LRRC9: variants seen among roughly 807,000 people sequenced by gnomAD.
LRRC9 encodes leucine-rich repeat-containing protein 9.
A neutral mutation model predicts 63.2 loss-of-function variants in LRRC9; 122 were observed. That is an observed-to-expected ratio of 1.93 (90% CI 1.67 to 2.24). LRRC9 has a LOEUF of 2.24. LRRC9 is among the 30% of genes most tolerant of loss of function. The probability of loss-of-function intolerance (pLI) is 0.00; values close to 1 mark genes in which losing one functional copy is unlikely to be tolerated. For missense variants in LRRC9, 1,071 were observed against 627.7 expected (o/e 1.71, Z -7.55); for synonymous variants, 366 against 213.1 (o/e 1.72, Z -6.25).
intron 8 of LRRC9, among the ~76,000 whole-genome samples, chr14:59,952,043 C>A (rs866444173): frequency 6.6e-6 from 1 of 151,266 alleles, no homozygotes; most frequent in African/African-American, 2.4e-5. Flanking sequence ...TCGAGCTTCC[C>A]GGCTGCTTTG....
At chr14:60,046,834 T>G (rs1893471916) in intron 29 of LRRC9, among the ~76,000 whole-genome samples, 1 of 152,228 alleles carries the variant, frequency 6.6e-6, no homozygotes, top group African/African-American at 2.4e-5. Context: ...ACTGCATCAA[T>G]AAATTACTTT....
rs1265888851 is a variant in LRRC9 at position 59,986,292 on chromosome 14, G to T, written c.2211+1068G>T. 6.6e-6 allele frequency among the ~76,000 whole-genome samples: 1 copy of T among 152,204 alleles called. No homozygotes were observed. The highest frequency in any genetic ancestry group is 1.9e-4 in the East Asian group (1 of 5,182). ...GCATCTCCTGTTTACATGGGTTCCA[G>T]GTCACTCACTTATCTCTTCAGAATA... On this transcript the variant is annotated intron_variant, in intron 17 of 31. Transcript: ENST00000445360. The surrounding 1 kb of genome is among the most constrained non-coding windows in gnomAD (Gnocchi z 4.7).
intron 31 of LRRC9, among the ~76,000 whole-genome samples, 200 bp from the exon 33 acceptor site, chr14:60,063,123 G>A (rs2140480472): frequency 6.6e-6 from 1 of 152,210 alleles, no homozygotes; most frequent in Admixed American, 6.5e-5. Context: ...TTGAACTCCT[G>A]ACCTCAGGTG....
chr14:60,041,585 A>G (rs1264673997), intron 29 of LRRC9, among the ~76,000 whole-genome samples: 1 of 152,180 alleles, frequency 6.6e-6, no homozygotes, highest in Admixed American at 6.5e-5. Flanking sequence ...CATGGTTTTC[A>G]GCTCCATCAG....
chr14:59,989,654 C>G (rs935914507), intron 17 of LRRC9, among the ~76,000 whole-genome samples: 2 of 151,996 alleles, frequency 1.3e-5, no homozygotes, highest in Non-Finnish European at 2.9e-5. Context: ...TTCTGGTGTA[C>G]TTTTTTGCTA....
rs1255258222 is a variant in LRRC9, at chr14:59,985,169, G to GA, written c.2160dup (p.Leu721ThrfsTer4). Reference sequence around the variant, plus strand: ...GATCTCTCCAAGTTAACAGGACTTCGAAAACTAAACATTAGCTTTAATGAA... The same window carrying GA: ...GATCTCTCCAAGTTAACAGGACTTCGAAAAACTAAACATTAGCTTTAATGAA... On this transcript the variant is annotated frameshift_variant, in exon 17 of 32. Coordinates refer to ENST00000445360, the Ensembl canonical transcript of LRRC9. LOFTEE classifies it high-confidence loss of function. The GA allele has an allele frequency of 2.9e-6, 2 of 692,618 alleles. No homozygotes were observed. The highest frequency in any genetic ancestry group is 3.5e-5 in the African/African-American group (2 of 57,096). 42.9% of individuals were successfully genotyped at this position (692,618 alleles called of 1,614,324 possible). A position where few individuals can be genotyped will look rare whatever the true frequency, so the allele number is the denominator to read the frequency against.
intron 23 of LRRC9, among the ~76,000 whole-genome samples, chr14:60,015,770 G>A (rs971150839): frequency 5.9e-5 from 9 of 152,170 alleles, no homozygotes; most frequent in African/African-American, 1.9e-4. Context: ...AGGGAGTGGG[G>A]ACATGTGTTA....
rs893287871 is a variant in LRRC9 at position 59,990,693 on chromosome 14, C to A, written c.2211+5469C>A. On this transcript the variant is annotated intron_variant, in intron 17 of 31. Transcript: ENST00000445360. This position sits in a 1 kb window ranked among gnomAD's most constrained non-coding sequence, Gnocchi z 4.2. ...TCCCAAAGTGCTGGGATTACAGGAGCCACTGTACCAGGCCCCTTCAGACCT... is the reference window on the plus strand; with the variant it reads ...TCCCAAAGTGCTGGGATTACAGGAGACACTGTACCAGGCCCCTTCAGACCT... Among the ~76,000 whole-genome samples, 1 of 152,164 alleles carries A rather than the reference C, an allele frequency of 6.6e-6. No homozygotes were observed. Among genetic ancestry groups the A allele is most frequent in the Non-Finnish European group, 1.5e-5 (1 of 68,010 alleles).
At chr14:59,956,088 T>G (rs1883718867) in intron 8 of LRRC9, among the ~76,000 whole-genome samples, 1 of 152,160 alleles carries the variant, frequency 6.6e-6, no homozygotes, top group Non-Finnish European at 1.5e-5. Flanking sequence ...ATATGTGCTG[T>G]GTGTTGCTGA....
chr14:60,059,900 T>G (rs1894544529), intron 31 of LRRC9, among the ~76,000 whole-genome samples: 1 of 152,042 alleles, frequency 6.6e-6, no homozygotes, highest in Admixed American at 6.5e-5. Context: ...AAAAAAGAGA[T>G]TTTCAATGTA....
At chr14:59,961,749 G>A (rs1413463565) in intron 10 of LRRC9, among the ~76,000 whole-genome samples, 2 of 151,856 alleles carry the variant, frequency 1.3e-5, no homozygotes, top group African/African-American at 2.4e-5. Context: ...CAATTAGAGG[G>A]GCACAATTTC....
rs1204702105 is a variant in LRRC9, at chr14:59,942,101, A to G, written c.727-2488A>G. 6.6e-6 allele frequency among the ~76,000 whole-genome samples: 1 copy of G among 152,160 alleles called. No homozygotes were observed. Among genetic ancestry groups the G allele is most frequent in the Non-Finnish European group, 1.5e-5 (1 of 68,022 alleles). On this transcript the variant is annotated intron_variant, in intron 7 of 31. Coordinates refer to ENST00000445360, the Ensembl canonical transcript of LRRC9. The surrounding 1 kb of genome is among the most constrained non-coding windows in gnomAD (Gnocchi z 5.3). ...TGCTTGACTTATTTCGCTTAACATAATGTCCTCCAGGCTCAACCATGTTGC... is the reference window on the plus strand; with the variant it reads ...TGCTTGACTTATTTCGCTTAACATAGTGTCCTCCAGGCTCAACCATGTTGC...
Position 59,923,970 on chromosome 14 carries a change from A to G in LRRC9, c.-33-3941A>G, listed in dbSNP as rs1888995423. 6.6e-6 allele frequency among the ~76,000 whole-genome samples: 1 copy of G among 152,194 alleles called. No homozygotes were observed. Among genetic ancestry groups the G allele is most frequent in the Non-Finnish European group, 1.5e-5 (1 of 68,028 alleles). ...TAAAACAACAATAACAACAACAAAA[A>G]ACAGATACTCGTGCAGGAATAGTCA... On this transcript the variant is annotated intron_variant, in intron 1 of 31. Transcript: ENST00000445360. This position sits in a 1 kb window ranked among gnomAD's most constrained non-coding sequence, Gnocchi z 4.2.
rs1041212238 is a variant in LRRC9 at position 59,958,827 on chromosome 14, A to G, written c.883-991A>G. Reference sequence around the variant, plus strand: ...GAAAAGCATAGTAACCCGGCTGGGTAGCACAGTCCCTCACAGCTTACCTTG... The same window carrying G: ...GAAAAGCATAGTAACCCGGCTGGGTGGCACAGTCCCTCACAGCTTACCTTG... On this transcript the variant is annotated intron_variant, in intron 8 of 31. Transcript: ENST00000445360. This position sits in a 1 kb window ranked among gnomAD's most constrained non-coding sequence, Gnocchi z 4.0. Among the ~76,000 whole-genome samples, 4 of 152,208 alleles carry G rather than the reference A, an allele frequency of 2.6e-5. No individual in the cohort carries two copies. Among genetic ancestry groups the G allele is most frequent in the Non-Finnish European group, 4.4e-5 (3 of 68,032 alleles).
intron 19 of LRRC9, among the ~76,000 whole-genome samples, chr14:60,000,997 A>G (rs1250098826): frequency 6.6e-6 from 1 of 152,158 alleles, no homozygotes; most frequent in Non-Finnish European, 1.5e-5. Context: ...CCACCATATT[A>G]GCATTCAAGA....
chr14:60,027,223 T>G lies in LRRC9; in HGVS notation c.3704-661T>G, dbSNP rs1488659900. Reference sequence around the variant, plus strand: ...GAAAAAAGAGATAAAATATTTCCCCTGTAGTATTTTGAGACTCTAATAGAA... The same window carrying G: ...GAAAAAAGAGATAAAATATTTCCCCGGTAGTATTTTGAGACTCTAATAGAA... On this transcript the variant is annotated intron_variant, in intron 27 of 31. Transcript: ENST00000445360. The surrounding 1 kb of genome is among the most constrained non-coding windows in gnomAD (Gnocchi z 4.0). Among the ~76,000 whole-genome samples, 1 of 152,048 alleles carries G rather than the reference T, an allele frequency of 6.6e-6. No individual in the cohort carries two copies. The highest frequency in any genetic ancestry group is 1.5e-5 in the Non-Finnish European group (1 of 67,976).
chr14:59,977,568 TTGTGTGTGTGTG>T (rs150262478), intron 14 of LRRC9, among the ~76,000 whole-genome samples: 39 of 144,610 alleles, frequency 2.7e-4, no homozygotes, highest in Middle Eastern at 3.6e-3. Context: ...AATTATGTAT[TTGTGTGTGTGTG>T]TGTGTGTGTG....
In LRRC9 at chr14:60,003,866, C is replaced by T; in HGVS notation, c.2842+68C>T. The T allele has an allele frequency of 1.9e-6, 1 of 532,518 alleles. No homozygotes were observed. The allele number at this position is 532,518 out of a possible 1,614,324, so 33.0% of individuals were successfully genotyped here. A position where few individuals can be genotyped will look rare whatever the true frequency, so the allele number is the denominator to read the frequency against. On this transcript the variant is annotated intron_variant, in intron 21 of 31. Transcript: ENST00000445360. This position sits in a 1 kb window ranked among gnomAD's most constrained non-coding sequence, Gnocchi z 4.2. Reference sequence around the variant, plus strand: ...CTAAACAACAAAGCAAAAAATAACCCTGGGAACAGAGTTTCTGAAGAGGAA... The same window carrying T: ...CTAAACAACAAAGCAAAAAATAACCTTGGGAACAGAGTTTCTGAAGAGGAA...
exon 22 of LRRC9, chr14:60,006,401 T>G (rs927882400): frequency 2.9e-6 from 2 of 688,534 alleles, no homozygotes; most frequent in Non-Finnish European, 5.3e-6. Flanking sequence ...TTCTAGGTAT[T>G]TCCAAGATGA....
Sources: allele counts gnomAD v4.1 joint callset (sites outside exome capture counted in the v4.1 genomes callset), GRCh38; gene constraint gnomAD v4.1.1; non-coding constraint Gnocchi (gnomAD v3.1); transcripts MANE v1.5; gene names NCBI Gene and HGNC (gene_info 2026-07-23, HGNC 2026-07-21).